Variants in LRRC37A2 observed in about 807,000 individuals in gnomAD.
The protein encoded by LRRC37A2 is leucine-rich repeat-containing protein 37A2.
Under a neutral mutation model 68.8 loss-of-function variants are expected in LRRC37A2, and 9 were observed. The observed-to-expected ratio is 0.13, with a 90% CI of 0.08 to 0.23. LRRC37A2 has a LOEUF of 0.23. LRRC37A2 is among the 10% of genes least tolerant of loss of function. The pLI is 1.00. For synonymous variants in LRRC37A2, 63 were observed against 367.6 expected (o/e 0.17, Z 9.48); for missense variants, 168 against 950.4 (o/e 0.18, Z 10.82).
the LRRC37A2 span, among the ~76,000 whole-genome samples, chr17:46,925,386 A>G: frequency 6.6e-6 from 1 of 152,240 alleles, no homozygotes; most frequent in Admixed American, 6.5e-5. Context: ...GCTGTGCACC[A>G]TTCTCAGTGC....
At chr17:46,498,717 C>T in the LRRC37A2 span, among the ~76,000 whole-genome samples, 5 of 143,648 alleles carry the variant, frequency 3.5e-5, no homozygotes, top group Non-Finnish European at 5.9e-5. Context: ...GAAAATTATA[C>T]CAGTGGTAAT....
At chr17:46,978,404 G>T in the LRRC37A2 span, 1 of 471,856 alleles carries the variant, frequency 2.1e-6, no homozygotes. Context: ...AAAAAAAACT[G>T]GTAAGAACCC....
chr17:46,941,010 A>G, the LRRC37A2 span: 1 of 1,121,942 alleles, frequency 8.9e-7, no homozygotes. Flanking sequence ...CCTCTAGTGG[A>G]GGCGGGGGTG....
At chr17:46,977,620 C>T in the LRRC37A2 span, among the ~76,000 whole-genome samples, 1 of 152,222 alleles carries the variant, frequency 6.6e-6, no homozygotes, top group Non-Finnish European at 1.5e-5. Flanking sequence ...AGGCCATTTT[C>T]TCCATTGTAT....
At chr17:46,771,637 C>A in the LRRC37A2 span, among the ~76,000 whole-genome samples, 3 of 145,298 alleles carry the variant, frequency 2.1e-5, no homozygotes, top group African/African-American at 7.4e-5. Flanking sequence ...CATAATGCGG[C>A]CGCCGGGCCC....
the LRRC37A2 span, among the ~76,000 whole-genome samples, chr17:46,896,293 CA>C: frequency 8.7e-6 from 1 of 115,188 alleles, no homozygotes; most frequent in Non-Finnish European, 2.0e-5. Flanking sequence ...GACTCTCTCT[CA>C]AAAAAAGAAA....
At chr17:46,495,087 C>G in the LRRC37A2 span, among the ~76,000 whole-genome samples, 2 of 146,910 alleles carry the variant, frequency 1.4e-5, no homozygotes, top group Admixed American at 6.7e-5. Flanking sequence ...TGCCCTTGGC[C>G]TATTTCACTT....
At chr17:47,033,413 T>C in the LRRC37A2 span, 6 of 691,718 alleles carry the variant, frequency 8.7e-6, no homozygotes, top group South Asian at 9.2e-5. Context: ...AGAGGTTACT[T>C]TCTCCCCAAG....
the LRRC37A2 span, among the ~76,000 whole-genome samples, chr17:46,793,878 G>A: frequency 6.6e-6 from 1 of 152,204 alleles, no homozygotes; most frequent in African/African-American, 2.4e-5. Flanking sequence ...TGGAGGTGGA[G>A]TTGGACCCCA....
chr17:46,949,197 C>G, the LRRC37A2 span: 1 of 152,228 alleles, frequency 6.6e-6, no homozygotes, highest in Non-Finnish European at 1.5e-5. Flanking sequence ...GGAGGAGAAT[C>G]ATCTGAAGGT....
the LRRC37A2 span, among the ~76,000 whole-genome samples, chr17:46,718,308 C>A: frequency 6.6e-6 from 1 of 152,136 alleles, no homozygotes; most frequent in African/African-American, 2.4e-5. Flanking sequence ...GCCGGGCCAG[C>A]CCCACCTGAA....
At chr17:46,724,360 G>C in the LRRC37A2 span, among the ~76,000 whole-genome samples, 2 of 152,190 alleles carry the variant, frequency 1.3e-5, no homozygotes, top group Non-Finnish European at 2.9e-5. Context: ...GGCTCAGACA[G>C]TGAGTTCTGT....
the LRRC37A2 span, among the ~76,000 whole-genome samples, chr17:46,899,620 G>A: frequency 6.6e-6 from 1 of 152,174 alleles, no homozygotes; most frequent in Non-Finnish European, 1.5e-5. Context: ...AGGGGAGGAG[G>A]GAATGGGAGT....
the LRRC37A2 span, among the ~76,000 whole-genome samples, chr17:46,853,350 C>T: frequency 7.1e-6 from 1 of 140,310 alleles, no homozygotes; most frequent in Non-Finnish European, 1.5e-5. Flanking sequence ...AAGTGCTCAA[C>T]TAATGCTAGT....
the LRRC37A2 span, among the ~76,000 whole-genome samples, chr17:46,974,011 A>G: frequency 6.6e-6 from 1 of 152,178 alleles, no homozygotes; most frequent in Admixed American, 6.5e-5. Flanking sequence ...GCACCCCTCT[A>G]TGTGAACTTG....
the LRRC37A2 span, among the ~76,000 whole-genome samples, chr17:46,836,595 G>T: frequency 6.6e-6 from 1 of 152,322 alleles, no homozygotes; most frequent in East Asian, 1.9e-4. Context: ...AAATAAGTAG[G>T]ATAATGAAAT....
chr17:47,023,107 A>T, the LRRC37A2 span, among the ~76,000 whole-genome samples: 1 of 152,370 alleles, frequency 6.6e-6, no homozygotes, highest in Non-Finnish European at 1.5e-5. Context: ...AATAAAAGGG[A>T]TTCCATCTAA....
At chr17:46,404,644 T>C in the LRRC37A2 span, among the ~76,000 whole-genome samples, 1 of 104,486 alleles carries the variant, frequency 9.6e-6, no homozygotes, top group Non-Finnish European at 2.2e-5. Flanking sequence ...CCGAGGTGGG[T>C]GGATCACAAG....
the LRRC37A2 span, among the ~76,000 whole-genome samples, chr17:46,993,885 G>A: frequency 1.3e-5 from 2 of 151,824 alleles, no homozygotes; most frequent in Non-Finnish European, 2.9e-5. Context: ...GGCTCAGAGA[G>A]TTGAAGGAAC....
Sources: allele counts gnomAD v4.1 joint callset (sites outside exome capture counted in the v4.1 genomes callset), GRCh38; gene constraint gnomAD v4.1.1; transcripts MANE v1.5; gene names NCBI Gene and HGNC (gene_info 2026-07-23, HGNC 2026-07-21).